Variants in SLC6A16 observed in about 807,000 individuals in gnomAD.
The protein encoded by SLC6A16 is orphan sodium- and chloride-dependent neurotransmitter transporter NTT5.
SLC6A16 carries 54 observed loss-of-function variants against 65.4 expected under a neutral mutation model. The ratio of observed to expected loss-of-function variants is 0.83; its 90% CI spans 0.66 to 1.04. The LOEUF is 1.04. Among genes scored for constraint, SLC6A16 ranks in the 50% least tolerant of loss-of-function variants. The pLI, the probability that SLC6A16 is intolerant of heterozygous loss-of-function variation, is 0.00. For synonymous variants in SLC6A16, 330 were observed against 346.5 expected (o/e 0.95, Z 0.53); for missense variants, 816 against 914.0 (o/e 0.89, Z 1.38).
intron 7 of SLC6A16, among the ~76,000 whole-genome samples, chr19:49,306,550 T>G (rs551349739): frequency 5.0e-4 from 75 of 148,834 alleles, no homozygotes; most frequent in Middle Eastern, 6.8e-3. Flanking sequence ...TTTTTTTCTT[T>G]TTTTTTTTTT....
At position 49,292,759 on chromosome 19, in the gene SLC6A16, ACTCC is replaced by A. The variant is rs1476464845; in HGVS notation, c.1778+460_1778+463del. Among the ~76,000 whole-genome samples, 1 of 151,418 alleles carries A rather than the reference ACTCC, an allele frequency of 6.6e-6. No individual in the cohort carries two copies. Among genetic ancestry groups the A allele is most frequent in the Non-Finnish European group, 1.5e-5 (1 of 67,878 alleles). ...GCACTTTACTCAAAATCTTGTCATG[ACTCC>A]CTCCCTCCTATCATTCAGGAGTCTG... On this transcript the variant is annotated intron_variant, in intron 10 of 11. Coordinates refer to ENST00000335875, the MANE Select transcript of SLC6A16 (RefSeq NM_014037.3). This position sits in a 1 kb window ranked among gnomAD's most constrained non-coding sequence, Gnocchi z 4.3.
chr19:49,320,420 C>CAA lies in SLC6A16; in HGVS notation c.-65+4626_-65+4627dup, dbSNP rs1269580656. Among the ~76,000 whole-genome samples the CAA allele has an allele frequency of 9.4e-3, 1,161 of 123,062 alleles. 16 individuals carry two copies. Among genetic ancestry groups the CAA allele is most frequent in the African/African-American group, 0.034 (1,073 of 31,274 alleles). 80.7% of individuals were successfully genotyped at this position (123,062 alleles called of 152,430 possible). Reference sequence around the variant, plus strand: ...AAGACTCCCTCTAAAAACAAACAAACAAACAAACAAAAAAAAACCAGATCT... The same window carrying CAA: ...AAGACTCCCTCTAAAAACAAACAAACAAAAACAAACAAAAAAAAACCAGATCT... On this transcript the variant is annotated intron_variant, in intron 1 of 11. Transcript: ENST00000335875.
chr19:49,309,586 G>C, intron 5 of SLC6A16, 65 bp downstream of exon 5: 1 of 1,480,706 alleles, frequency 6.8e-7, no homozygotes, highest in Non-Finnish European at 9.4e-7. Context: ...AGATCAACAA[G>C]TAACAAATTG....
chr19:49,334,675 T>A, the SLC6A16 span, among the ~76,000 whole-genome samples: 3 of 140,878 alleles, frequency 2.1e-5, no homozygotes, highest in South Asian at 2.3e-4. Flanking sequence ...TGTTTTTTTT[T>A]AATTAAATAT....
In SLC6A16 at chr19:49,290,630, G is replaced by A. The variant is rs781744685; in HGVS notation, c.1916C>T (p.Thr639Ile). The change falls in exon 11 of 12, where the codon ACC becomes ATC. Residue 639 changes from threonine to isoleucine, a missense_variant. Physicochemically the swap from Thr to Ile is moderately conservative, Grantham distance 89. Coordinates refer to ENST00000335875, the MANE Select transcript of SLC6A16 (RefSeq NM_014037.3). ...MMVHLCMKPI[T>I]YMSWDSSTSK... Reference sequence around the variant, plus strand: ...GGTGCTTGAGTCCCAGGACATGTAGGTGATCGGCTTCATACAAAGATGAAC... The same window carrying A: ...GGTGCTTGAGTCCCAGGACATGTAGATGATCGGCTTCATACAAAGATGAAC... The A allele has an allele frequency of 6.2e-7, 1 of 1,614,034 alleles. No individual in the cohort carries two copies.
the SLC6A16 span, among the ~76,000 whole-genome samples, chr19:49,330,933 C>CA: frequency 3.5e-3 from 385 of 108,762 alleles, 2 homozygotes; most frequent in Middle Eastern, 8.8e-3. Flanking sequence ...TAGAGTGAGA[C>CA]AAAAAAAAAA....
intron 1 of SLC6A16, among the ~76,000 whole-genome samples, chr19:49,323,671 G>A (rs554898918): frequency 1.8e-4 from 28 of 152,234 alleles, no homozygotes; most frequent in African/African-American, 6.5e-4. Context: ...ATAATACCTC[G>A]CATCCATTAG....
intron 2 of SLC6A16, 77 bp downstream of exon 2, chr19:49,310,856 A>C: frequency 8.8e-7 from 1 of 1,134,990 alleles, no homozygotes; most frequent in Non-Finnish European, 1.3e-6. Context: ...TCTCAGAAAC[A>C]TTCATGGTTA....
chr19:49,337,105 T>A, the SLC6A16 span: 1 of 1,613,686 alleles, frequency 6.2e-7, no homozygotes, highest in Non-Finnish European at 8.5e-7. Context: ...TGGGCCGGGG[T>A]TGCAGGGGTG....
chr19:49,291,556 A>C (rs1691329946), intron 10 of SLC6A16, among the ~76,000 whole-genome samples: 1 of 152,168 alleles, frequency 6.6e-6, no homozygotes, highest in Non-Finnish European at 1.5e-5. Flanking sequence ...TAAGTGAGCA[A>C]ACTGACTCCA....
chr19:49,323,337 A>C (rs1568542439), intron 1 of SLC6A16, among the ~76,000 whole-genome samples: 3 of 151,940 alleles, frequency 2.0e-5, no homozygotes, highest in Admixed American at 1.3e-4. Flanking sequence ...CCAAAGGCAA[A>C]AGCAACAAAA....
Position 49,299,118 on chromosome 19 carries a change from C to T in SLC6A16, c.1230-4565G>A, listed in dbSNP as rs949183136. Among the ~76,000 whole-genome samples the T allele has an allele frequency of 7.9e-5, 12 of 151,854 alleles. No individual in the cohort carries two copies. In the East Asian group the frequency reaches 2.3e-3, roughly 29 times the overall value. On this transcript the variant is annotated intron_variant, in intron 7 of 11. Transcript: ENST00000335875. ...AAAATTAGCCGGGCATGGTGGTGGG[C>T]GCCTGTAGTCCCAGCTACTCGGGAG...
chr19:49,335,936 A>G, the SLC6A16 span: 2 of 683,578 alleles, frequency 2.9e-6, no homozygotes, highest in East Asian at 5.0e-5. The surrounding 1 kb of genome is among the most constrained non-coding windows in gnomAD (Gnocchi z 4.6). Flanking sequence ...TTGGAGCCTG[A>G]GTCTTCTTCC....
At chr19:49,335,681 G>A in the SLC6A16 span, 2 of 1,612,526 alleles carry the variant, frequency 1.2e-6, no homozygotes, top group Non-Finnish European at 1.7e-6. The surrounding 1 kb of genome is among the most constrained non-coding windows in gnomAD (Gnocchi z 4.6). Flanking sequence ...TTCCCCTGTG[G>A]CCCACCCCCG....
chr19:49,338,030 G>T, the SLC6A16 span: 33 of 1,613,534 alleles, frequency 2.0e-5, no homozygotes, highest in Non-Finnish European at 2.7e-5. This position sits in a 1 kb window ranked among gnomAD's most constrained non-coding sequence, Gnocchi z 5.0. Flanking sequence ...GCAGTTCCAG[G>T]TAAGCCCCCC....
rs1175501725 is a variant in SLC6A16, at chr19:49,311,016, TCA to T, written c.330_331del (p.Glu111ValfsTer24). ...GAAGCCCACCTGAGCCAGAATATAC[TCA>T]GTTTTGCTGGACCAGAACGGACGGG... On this transcript the variant is annotated frameshift_variant, in exon 2 of 12. Coordinates refer to ENST00000335875, the MANE Select transcript of SLC6A16 (RefSeq NM_014037.3). LOFTEE classifies it high-confidence loss of function. 6.2e-7 allele frequency: 1 copy of T among 1,614,082 alleles called. No homozygotes were observed. Among genetic ancestry groups the T allele is most frequent in the African/African-American group, 1.3e-5 (1 of 74,930 alleles).
Position 49,311,031 on chromosome 19 carries a change from C to A in SLC6A16, c.317G>T (p.Trp106Leu), listed in dbSNP as rs1456430875. The A allele has an allele frequency of 6.2e-7, 1 of 1,614,222 alleles. No homozygotes were observed. Among genetic ancestry groups the A allele is most frequent in the Non-Finnish European group, 8.5e-7 (1 of 1,180,048 alleles). The change falls in exon 2 of 12, where the codon TGG becomes TTG. Residue 106 changes from tryptophan to leucine, a missense_variant. Trp to Leu is a moderately conservative substitution (Grantham distance 61). Coordinates refer to ENST00000335875, the MANE Select transcript of SLC6A16 (RefSeq NM_014037.3). ...ESEVLLARPF[W>L]SSKTEYILAQ... ...CAGAATATACTCAGTTTTGCTGGACCAGAACGGACGGGCAAGGAGGACCTC... is the reference window on the plus strand; with the variant it reads ...CAGAATATACTCAGTTTTGCTGGACAAGAACGGACGGGCAAGGAGGACCTC...
chr19:49,311,231 G>A lies in SLC6A16; in HGVS notation c.117C>T (p.Thr39=), dbSNP rs1160800272. Residue 39 remains threonine (T), a synonymous_variant, in exon 2 of 12, where the codon ACC becomes ACT. Transcript: ENST00000335875. ...CTGAGGTCCAAGATGTTGCAGACCG[G>A]GTCAATGAACCCTTGTCTTCCCACG... is the stretch of plus-strand genomic sequence containing the variant. ...SQTWEDKGSL[T]RSATSWTSEA... 37 of 1,614,110 alleles carry A rather than the reference G, an allele frequency of 2.3e-5. No homozygotes were observed. Among genetic ancestry groups the A allele is most frequent in the Non-Finnish European group, 3.1e-5 (36 of 1,180,006 alleles).
chr19:49,289,882 T>A lies in SLC6A16; in HGVS notation c.*241A>T, dbSNP rs1041790250. On this transcript the variant is annotated 3_prime_UTR_variant, in exon 12 of 12. Coordinates refer to ENST00000335875, the MANE Select transcript of SLC6A16 (RefSeq NM_014037.3). The stretch of plus-strand genomic sequence containing the variant: ...AGACATCACTAGTATTGTATATGTG[T>A]TGTGCATGTATGTGTGTTGAGGAAG... The A allele has an allele frequency of 8.6e-5, 47 of 548,386 alleles. No individual in the cohort carries two copies. The highest frequency in any genetic ancestry group is 5.1e-4 in the South Asian group (22 of 43,382). 34.0% of individuals were successfully genotyped at this position (548,386 alleles called of 1,614,324 possible).
Sources: gnomAD v4.1 joint callset for allele counts (sites outside exome capture counted in the v4.1 genomes callset) on GRCh38, gnomAD v4.1.1 for gene constraint, Gnocchi (gnomAD v3.1) non-coding constraint, MANE v1.5 for transcripts, NCBI Gene and HGNC (gene_info 2026-07-23, HGNC 2026-07-21) for gene names.